The following HDAC10 variants were observed in gnomAD, a reference collection of about 807,000 sequenced individuals.
The protein encoded by HDAC10 is polyamine deacetylase HDAC10.
A neutral mutation model predicts 82.3 loss-of-function variants in HDAC10; 90 were observed. That is an observed-to-expected ratio of 1.09 (90% CI 0.92 to 1.30). The LOEUF is 1.30. Among genes scored for constraint, HDAC10 ranks in the 50% most tolerant of loss-of-function variants. The pLI is 0.00. For missense variants in HDAC10, 934 were observed against 876.3 expected, an observed-to-expected ratio of 1.07 and a Z score of -0.83; for synonymous variants, 456 against 391.7, an observed-to-expected ratio of 1.16 and a Z score of -1.94.
Position 50,249,815 on chromosome 22 carries a change from CTG to C in HDAC10, c.494+43_494+44del, listed in dbSNP as rs1252640365. 1 of 1,603,114 alleles carries C rather than the reference CTG, an allele frequency of 6.2e-7. No individual in the cohort carries two copies. Among genetic ancestry groups the C allele is most frequent in the African/African-American group, 1.3e-5 (1 of 74,670 alleles). ...CTCTCGCCTCCTGCGCTGCCCCTTG[CTG>C]TGTGGCCTGGGCCCACCCCCCTGCA... On this transcript the variant is annotated intron_variant, in intron 5 of 19. Coordinates refer to ENST00000216271, the MANE Select transcript of HDAC10 (RefSeq NM_032019.6). This position sits in a 1 kb window ranked among gnomAD's most constrained non-coding sequence, Gnocchi z 4.4.
chr22:50,250,268 G>C (rs970686010), intron 3 of HDAC10, 108 bp from the exon 4 acceptor site: 2 of 1,256,242 alleles, frequency 1.6e-6, no homozygotes, highest in Admixed American at 1.9e-5. Flanking sequence ...AGCAGAACAG[G>C]CCAGCCCCAG....
chr22:50,248,538 C>G lies in HDAC10; in HGVS notation c.907-66G>C. 1 of 1,524,634 alleles carries G rather than the reference C, an allele frequency of 6.6e-7. No homozygotes were observed. 94.4% of individuals were successfully genotyped at this position (1,524,634 alleles called of 1,614,324 possible). A position where few individuals can be genotyped will look rare whatever the true frequency, so the allele number is the denominator to read the frequency against. ...CTGGGATGGGATGTCACCGGGAGAGCCCCTGCCTGGCTCTATCCCGGGCAG... is the reference window on the plus strand; with the variant it reads ...CTGGGATGGGATGTCACCGGGAGAGGCCCTGCCTGGCTCTATCCCGGGCAG... On this transcript the variant is annotated intron_variant, in intron 10 of 19. Transcript: ENST00000216271. The surrounding 1 kb of genome is among the most constrained non-coding windows in gnomAD (Gnocchi z 5.4).
In HDAC10 at chr22:50,248,970, C is replaced by T. The variant is rs948845508; in HGVS notation, c.757-80G>A. 2 of 1,499,766 alleles carry T rather than the reference C, an allele frequency of 1.3e-6. No homozygotes were observed. The highest frequency in any genetic ancestry group is 1.8e-6 in the Non-Finnish European group (2 of 1,094,240). The allele number at this position is 1,499,766 out of a possible 1,614,324, so 92.9% of individuals were successfully genotyped here. On this transcript the variant is annotated intron_variant, in intron 8 of 19. Transcript: ENST00000216271. The surrounding 1 kb of genome is among the most constrained non-coding windows in gnomAD (Gnocchi z 5.4). ...GAGGGCGAGCCAGGCCCATCCCATC[C>T]CCTCCTGAGCACCTTCCCCAGCCAC...
chr22:50,249,199 C>A lies in HDAC10; in HGVS notation c.691-31G>T. 9.3e-7 allele frequency: 1 copy of A among 1,075,352 alleles called. No homozygotes were observed. The highest frequency in any genetic ancestry group is 1.3e-5 in the South Asian group (1 of 75,096). The allele number at this position is 1,075,352 out of a possible 1,614,324, so 66.6% of individuals were successfully genotyped here. A position where few individuals can be genotyped will look rare whatever the true frequency, so the allele number is the denominator to read the frequency against. On this transcript the variant is annotated intron_variant, in intron 7 of 19. Transcript: ENST00000216271. The surrounding 1 kb of genome is among the most constrained non-coding windows in gnomAD (Gnocchi z 4.4). ...AGGACATCCCAGGCTACATCCTGAA[C>A]TGTGGGGCAGGGGAGGGGCCCGGGG...
In HDAC10 at chr22:50,249,278, G is replaced by A. The variant is rs1462913940; in HGVS notation, c.690+50C>T. 7.3e-7 allele frequency: 1 copy of A among 1,373,866 alleles called. No individual in the cohort carries two copies. Among genetic ancestry groups the A allele is most frequent in the Non-Finnish European group, 9.9e-7 (1 of 1,008,444 alleles). The allele number at this position is 1,373,866 out of a possible 1,614,324, so 85.1% of individuals were successfully genotyped here. On this transcript the variant is annotated intron_variant, in intron 7 of 19. Transcript: ENST00000216271. The surrounding 1 kb of genome is among the most constrained non-coding windows in gnomAD (Gnocchi z 4.4). ...AGGGTGAACTGTGGGGGAGGGGAGG[G>A]GCCCAGGGGGAGGGGGCTGGGTGGG...
intron 13 of HDAC10, 36 bp downstream of exon 13, chr22:50,247,854 C>T (rs200319833): frequency 8.7e-6 from 14 of 1,611,398 alleles, no homozygotes; most frequent in Middle Eastern, 3.3e-4. Flanking sequence ...GGTGTAGATG[C>T]GGCCCCATCC....
At chr22:50,247,388 C>A (rs2064980227) in intron 14 of HDAC10, 2 of 346,776 alleles carry the variant, frequency 5.8e-6, no homozygotes, top group East Asian at 9.5e-5. Flanking sequence ...CCACCTTGGC[C>A]CCCCAAACTG....
chr22:50,248,845 T>TG lies in HDAC10; in HGVS notation c.801dup (p.Ile268HisfsTer5). 1 of 1,611,378 alleles carries TG rather than the reference T, an allele frequency of 6.2e-7. No homozygotes were observed. ...AAGGCCCTCACCTCAGGGTCCCCGA[T>TG]GGCTGAGTCAAATCCTGCCGAGACC... On this transcript the variant is annotated frameshift_variant, in exon 9 of 20. Coordinates refer to ENST00000216271, the MANE Select transcript of HDAC10 (RefSeq NM_032019.6). LOFTEE classifies it high-confidence loss of function. This position sits in a 1 kb window ranked among gnomAD's most constrained non-coding sequence, Gnocchi z 5.4.
intron 14 of HDAC10, 171 bp from the exon 15 acceptor site, chr22:50,247,137 ATTT>A (rs35992238): frequency 1.4e-3 from 523 of 378,792 alleles, no homozygotes; most frequent in East Asian, 2.1e-3. Context: ...TACGTCTATA[ATTT>A]TTTTTTTTTT....
chr22:50,249,230 G>GA lies in HDAC10; in HGVS notation c.691-63_691-62insT. On this transcript the variant is annotated intron_variant, in intron 7 of 19. Transcript: ENST00000216271. This position sits in a 1 kb window ranked among gnomAD's most constrained non-coding sequence, Gnocchi z 4.4. ...GGCAGGGGAGGGGCCCGGGGGAGGG[G>GA]GTGGGTGGGGACCTGGGGCTTGAGG... The GA allele has an allele frequency of 1.5e-6, 2 of 1,326,402 alleles. No homozygotes were observed. Among genetic ancestry groups the GA allele is most frequent in the South Asian group, 1.3e-5 (1 of 77,124 alleles). The allele number at this position is 1,326,402 out of a possible 1,614,324, so 82.2% of individuals were successfully genotyped here.
In HDAC10 at chr22:50,248,021, C is replaced by G. The variant is rs1033481311; in HGVS notation, c.1206G>C (p.Pro402=). ...ASAPSSLLDQ[P]CLCPAPSVRT... is the part of the protein sequence containing the mutation. ...GGACAGAGGGTGCGGGGCAGAGGCA[C>G]GGCTGGTCCAGGAGGGAGCTCGGTG... Residue 402 remains proline, a synonymous_variant, in exon 13 of 20, where the codon CCG becomes CCC. Coordinates refer to ENST00000216271, the MANE Select transcript of HDAC10 (RefSeq NM_032019.6). The surrounding 1 kb of genome is among the most constrained non-coding windows in gnomAD (Gnocchi z 5.4). 6.2e-7 allele frequency: 1 copy of G among 1,612,628 alleles called. No homozygotes were observed. Among genetic ancestry groups the G allele is most frequent in the Non-Finnish European group, 8.5e-7 (1 of 1,179,886 alleles).
In HDAC10 at chr22:50,246,924, C is replaced by T; in HGVS notation, c.1465G>A (p.Ala489Thr). 6.2e-7 allele frequency: 1 copy of T among 1,612,116 alleles called. No individual in the cohort carries two copies. The highest frequency in any genetic ancestry group is 8.5e-7 in the Non-Finnish European group (1 of 1,179,196). ...CTCCGAACAGCCACATCCAGGGTGG[C>T]TGCTGCAGCAGAGGCTGGAGTGGCT... Reference protein sequence around the residue: ...IAATPASAAAATLDVAVRRGL... With the variant: ...IAATPASAAATTLDVAVRRGL... The change falls in exon 15 of 20, where the codon GCC becomes ACC. Residue 489 changes from alanine (A) to threonine (T), a missense_variant. Ala to Thr is a moderately conservative substitution (Grantham distance 58). Coordinates refer to ENST00000216271, the MANE Select transcript of HDAC10 (RefSeq NM_032019.6).
At position 50,248,622 on chromosome 22, in the gene HDAC10, T is replaced by G; in HGVS notation, c.906+40A>C. Reference sequence around the variant, plus strand: ...CTCCCATGCTCCTGACCCCCAGGCCTCTGGCCCAGAGACCCTCCCTGTGTG... The same window carrying G: ...CTCCCATGCTCCTGACCCCCAGGCCGCTGGCCCAGAGACCCTCCCTGTGTG... On this transcript the variant is annotated intron_variant, in intron 10 of 19. Coordinates refer to ENST00000216271, the MANE Select transcript of HDAC10 (RefSeq NM_032019.6). This position sits in a 1 kb window ranked among gnomAD's most constrained non-coding sequence, Gnocchi z 5.4. The G allele has an allele frequency of 6.8e-7, 1 of 1,478,312 alleles. No individual in the cohort carries two copies. Among genetic ancestry groups the G allele is most frequent in the Admixed American group, 2.2e-5 (1 of 44,786 alleles). 91.6% of individuals were successfully genotyped at this position (1,478,312 alleles called of 1,614,324 possible). A position where few individuals can be genotyped will look rare whatever the true frequency, so the allele number is the denominator to read the frequency against.
intron 17 of HDAC10, 86 bp downstream of exon 17, chr22:50,246,209 CCTG>C: frequency 6.6e-7 from 1 of 1,520,640 alleles, no homozygotes; most frequent in African/African-American, 1.4e-5. Flanking sequence ...GGACCAGAGG[CCTG>C]CTATCATGAC....
In HDAC10 at chr22:50,249,221, G is replaced by C. The variant is rs1037135616; in HGVS notation, c.691-53C>G. 1 of 1,322,310 alleles carries C rather than the reference G, an allele frequency of 7.6e-7. No homozygotes were observed. The highest frequency in any genetic ancestry group is 1.0e-6 in the Non-Finnish European group (1 of 975,770). The allele number at this position is 1,322,310 out of a possible 1,614,324, so 81.9% of individuals were successfully genotyped here. ...GAACTGTGGGGCAGGGGAGGGGCCC[G>C]GGGGAGGGGGTGGGTGGGGACCTGG... On this transcript the variant is annotated intron_variant, in intron 7 of 19. Coordinates refer to ENST00000216271, the MANE Select transcript of HDAC10 (RefSeq NM_032019.6). The surrounding 1 kb of genome is among the most constrained non-coding windows in gnomAD (Gnocchi z 4.4).
At position 50,249,212 on chromosome 22, in the gene HDAC10, G is replaced by T; in HGVS notation, c.691-44C>A. ...CTACATCCTGAACTGTGGGGCAGGG[G>T]AGGGGCCCGGGGGAGGGGGTGGGTG... On this transcript the variant is annotated intron_variant, in intron 7 of 19. Transcript: ENST00000216271. This position sits in a 1 kb window ranked among gnomAD's most constrained non-coding sequence, Gnocchi z 4.4. 1.4e-6 allele frequency: 2 copies of T among 1,398,750 alleles called. No individual in the cohort carries two copies. The highest frequency in any genetic ancestry group is 2.0e-6 in the Non-Finnish European group (2 of 1,024,360). The allele number at this position is 1,398,750 out of a possible 1,614,324, so 86.6% of individuals were successfully genotyped here.
At chr22:50,250,646 A>G in intron 2 of HDAC10, 123 bp from the exon 3 acceptor site, 2 of 1,326,952 alleles carry the variant, frequency 1.5e-6, no homozygotes, top group Non-Finnish European at 2.1e-6. Context: ...CTGTGAGCCC[A>G]CCCGAGGTGC....
chr22:50,249,027 T>A lies in HDAC10; in HGVS notation c.756+76A>T. ...GTGGGACAGCTCATAACCCTCCTCC[T>A]GCCTTCACTGGCGCACTCCAGGCAC... On this transcript the variant is annotated intron_variant, in intron 8 of 19. Transcript: ENST00000216271. The surrounding 1 kb of genome is among the most constrained non-coding windows in gnomAD (Gnocchi z 4.4). 6.9e-7 allele frequency: 1 copy of A among 1,452,856 alleles called. No individual in the cohort carries two copies. Among genetic ancestry groups the A allele is most frequent in the Middle Eastern group, 1.7e-4 (1 of 5,720 alleles). 90.0% of individuals were successfully genotyped at this position (1,452,856 alleles called of 1,614,324 possible).
Position 50,249,179 on chromosome 22 carries a change from A to G in HDAC10, c.691-11T>C. On this transcript the variant is annotated splice_polypyrimidine_tract_variant and intron_variant, in intron 7 of 19. Coordinates refer to ENST00000216271, the MANE Select transcript of HDAC10 (RefSeq NM_032019.6). This position sits in a 1 kb window ranked among gnomAD's most constrained non-coding sequence, Gnocchi z 4.4. Reference sequence around the variant, plus strand: ...GTTTCCCATCCCAACCTGGCAGGACATCCCAGGCTACATCCTGAACTGTGG... The same window carrying G: ...GTTTCCCATCCCAACCTGGCAGGACGTCCCAGGCTACATCCTGAACTGTGG... 1 of 1,498,562 alleles carries G rather than the reference A, an allele frequency of 6.7e-7. No homozygotes were observed. The highest frequency in any genetic ancestry group is 9.0e-7 in the Non-Finnish European group (1 of 1,112,780). 92.8% of individuals were successfully genotyped at this position (1,498,562 alleles called of 1,614,324 possible). A position where few individuals can be genotyped will look rare whatever the true frequency, so the allele number is the denominator to read the frequency against.
Sources: gnomAD v4.1 joint callset for allele counts on GRCh38, gnomAD v4.1.1 for gene constraint, Gnocchi (gnomAD v3.1) non-coding constraint, MANE v1.5 for transcripts, NCBI Gene and HGNC (gene_info 2026-07-23, HGNC 2026-07-21) for gene names.